Variants in PDE6D observed in about 807,000 individuals in gnomAD.
PDE6D encodes the protein phosphodiesterase 6D.
Under a neutral mutation model 21.9 loss-of-function variants are expected in PDE6D, and 10 were observed. The ratio of observed to expected loss-of-function variants is 0.46; its 90% CI spans 0.28 to 0.78. The LOEUF is 0.78. Ranked by LOEUF, PDE6D falls within the 30% of genes least tolerant of loss-of-function variation. The pLI is 0.12. For missense variants in PDE6D, 139 were observed against 184.8 expected, an observed-to-expected ratio of 0.75 and a Z score of 1.44; for synonymous variants, 59 against 63.5, an observed-to-expected ratio of 0.93 and a Z score of 0.34.
In PDE6D at chr2:231,781,130, G is replaced by C. The variant is rs1301007085; in HGVS notation, c.-16C>G. The C allele has an allele frequency of 6.2e-7, 1 of 1,610,048 alleles. No individual in the cohort carries two copies. On this transcript the variant is annotated 5_prime_UTR_variant, in exon 1 of 5. Coordinates refer to ENST00000287600, the MANE Select transcript of PDE6D (RefSeq NM_002601.4). ...TGGCTGACATGATGCGGCGGTCGCC[G>C]CCCGCGGCTTTCTCACTCTGGTCGG...
chr2:231,762,125 T>G, intron 1 of PDE6D, among the ~76,000 whole-genome samples: 1 of 152,292 alleles, frequency 6.6e-6, no homozygotes, highest in African/African-American at 2.4e-5. Context: ...ATTGAATTTG[T>G]ACTGATCCAC....
chr2:231,740,599 T>C (rs979273535), intron 1 of PDE6D, among the ~76,000 whole-genome samples: 14 of 146,266 alleles, frequency 9.6e-5, no homozygotes, highest in Admixed American at 7.8e-4. Context: ...GAGGATTGCC[T>C]GAGTCCACAA....
chr2:231,757,007 G>A (rs1446270225), intron 1 of PDE6D, among the ~76,000 whole-genome samples: 1 of 152,132 alleles, frequency 6.6e-6, no homozygotes, highest in Non-Finnish European at 1.5e-5. Flanking sequence ...TGCCCAGGCT[G>A]GAGTGCAGTG....
intron 1 of PDE6D, among the ~76,000 whole-genome samples, chr2:231,778,492 G>T (rs1156663835): frequency 6.6e-6 from 1 of 150,994 alleles, no homozygotes; most frequent in Non-Finnish European, 1.5e-5. Flanking sequence ...CCAAATAGAA[G>T]AGATGTGCAA....
chr2:231,732,856 T>C lies in PDE6D; in HGVS notation c.*96A>G, dbSNP rs2048662657. The C allele has an allele frequency of 1.3e-5, 10 of 794,966 alleles. No individual in the cohort carries two copies. Among genetic ancestry groups the C allele is most frequent in the Non-Finnish European group, 2.2e-5 (10 of 454,988 alleles). The allele number at this position is 794,966 out of a possible 1,614,324, so 49.2% of individuals were successfully genotyped here. A position where few individuals can be genotyped will look rare whatever the true frequency, so the allele number is the denominator to read the frequency against. On this transcript the variant is annotated 3_prime_UTR_variant, in exon 5 of 5. Coordinates refer to ENST00000287600, the MANE Select transcript of PDE6D (RefSeq NM_002601.4). The stretch of plus-strand genomic sequence containing the variant: ...TCTGCTGTTGAGGGAATTAGGGGTG[T>C]ATGTGTCAAAAATCAAACGTGTGGA...
intron 1 of PDE6D, among the ~76,000 whole-genome samples, chr2:231,750,428 A>C (rs990270343): frequency 6.6e-6 from 1 of 151,668 alleles, no homozygotes; most frequent in Non-Finnish European, 1.5e-5. Flanking sequence ...ATTTGATAAA[A>C]TTTATGGTCT....
chr2:231,779,124 G>T (rs1042575138), intron 1 of PDE6D: 1 of 152,184 alleles, frequency 6.6e-6, no homozygotes, highest in Non-Finnish European at 1.5e-5. Context: ...GGCTACCAGA[G>T]GATGAGCACG....
intron 1 of PDE6D, among the ~76,000 whole-genome samples, chr2:231,751,868 C>T (rs1559319762): frequency 1.3e-5 from 2 of 152,154 alleles, no homozygotes; most frequent in Non-Finnish European, 2.9e-5. Context: ...TTACTCTTTT[C>T]CTCTCCTTTC....
intron 1 of PDE6D, among the ~76,000 whole-genome samples, chr2:231,756,293 T>C (rs1300120758): frequency 6.6e-6 from 1 of 152,182 alleles, no homozygotes; most frequent in African/African-American, 2.4e-5. Context: ...CAACATAGCT[T>C]GGCCATCATA....
At chr2:231,759,856 T>A (rs1422792109) in intron 1 of PDE6D, among the ~76,000 whole-genome samples, 1 of 152,134 alleles carries the variant, frequency 6.6e-6, no homozygotes, top group Non-Finnish European at 1.5e-5. Flanking sequence ...CTTGGCAATA[T>A]CCTTCTGGGA....
At chr2:231,741,318 C>A (rs2048748436) in intron 1 of PDE6D, among the ~76,000 whole-genome samples, 1 of 152,008 alleles carries the variant, frequency 6.6e-6, no homozygotes, top group African/African-American at 2.4e-5. Flanking sequence ...GACAACTTAG[C>A]AGGGCCTTTA....
intron 4 of PDE6D, among the ~76,000 whole-genome samples, chr2:231,734,376 C>A (rs750040296): frequency 6.6e-6 from 1 of 150,606 alleles, no homozygotes; most frequent in Non-Finnish European, 1.5e-5. Context: ...TGAGACAGAG[C>A]GAGACCGTCT....
intron 1 of PDE6D, among the ~76,000 whole-genome samples, chr2:231,746,664 C>T (rs1189140865): frequency 4.6e-5 from 7 of 151,870 alleles, no homozygotes; most frequent in Admixed American, 1.3e-4. Context: ...CGTACCTCAC[C>T]GGCCAGTTGA....
chr2:231,752,977 G>C (rs1294551688), intron 1 of PDE6D, among the ~76,000 whole-genome samples: 3 of 150,584 alleles, frequency 2.0e-5, no homozygotes, highest in Non-Finnish European at 4.4e-5. Context: ...GACTACAGGC[G>C]CCCGCCACCA....
rs544709620 is a variant in PDE6D at position 231,739,786 on chromosome 2, C to A, written c.51-598G>T. ...AGCTGGAATTATAGGAGCACGTCAC[C>A]AAGCCCAGCTTATTTTTGTATTTTT... is the stretch of plus-strand genomic sequence containing the variant. On this transcript the variant is annotated intron_variant, in intron 1 of 4. Transcript: ENST00000287600. The surrounding 1 kb of genome is among the most constrained non-coding windows in gnomAD (Gnocchi z 4.2). Among the ~76,000 whole-genome samples the A allele has an allele frequency of 2.0e-5, 3 of 152,088 alleles. No individual in the cohort carries two copies. Among genetic ancestry groups the A allele is most frequent in the Non-Finnish European group, 4.4e-5 (3 of 68,006 alleles).
intron 1 of PDE6D, among the ~76,000 whole-genome samples, chr2:231,776,970 T>C (rs924071987): frequency 7.2e-5 from 11 of 152,358 alleles, no homozygotes; most frequent in Admixed American, 4.6e-4. Context: ...CAGTCCAGTA[T>C]AGCTCTTAAC....
intron 1 of PDE6D, among the ~76,000 whole-genome samples, chr2:231,756,530 G>C (rs1389889518): frequency 6.6e-6 from 1 of 151,864 alleles, no homozygotes. Context: ...TTGAACTCCT[G>C]GGTGCCAGCA....
At chr2:231,737,748 T>C in intron 3 of PDE6D, 2 of 411,112 alleles carry the variant, frequency 4.9e-6, no homozygotes, top group Non-Finnish European at 8.8e-6. Flanking sequence ...TCCTCCATGA[T>C]CATATCACAA....
At chr2:231,740,293 C>A (rs2048736525) in intron 1 of PDE6D, among the ~76,000 whole-genome samples, 1 of 152,010 alleles carries the variant, frequency 6.6e-6, no homozygotes, top group African/African-American at 2.4e-5. Context: ...CAAAAAAGAA[C>A]TCTAGAAACA....
Sources: allele counts gnomAD v4.1 joint callset (sites outside exome capture counted in the v4.1 genomes callset), GRCh38; gene constraint gnomAD v4.1.1; non-coding constraint Gnocchi (gnomAD v3.1); transcripts MANE v1.5; gene names NCBI Gene and HGNC (gene_info 2026-07-23, HGNC 2026-07-21).